The following TBC1D9B variants were observed in gnomAD, a reference collection of about 807,000 sequenced individuals.
The protein encoded by TBC1D9B is TBC1 domain family, member 9B (with GRAM domain).
In TBC1D9B, 87 loss-of-function variants were observed where a neutral mutation model predicts 121.1. That is an observed-to-expected ratio of 0.72 (90% CI 0.60 to 0.86). TBC1D9B has a LOEUF of 0.86. Among genes scored for constraint, TBC1D9B ranks in the 40% least tolerant of loss-of-function variants. The pLI, the probability that TBC1D9B is intolerant of heterozygous loss-of-function variation, is 0.00. For synonymous variants in TBC1D9B, 668 were observed against 670.1 expected (o/e 1.00, Z 0.05); for missense variants, 1,540 against 1,628.6 (o/e 0.95, Z 0.94).
chr5:179,888,784 G>A (rs1760770866), intron 6 of TBC1D9B, among the ~76,000 whole-genome samples: 1 of 152,210 alleles, frequency 6.6e-6, no homozygotes, highest in African/African-American at 2.4e-5. Context: ...AGGCCTGGCA[G>A]GGAGACGGAC....
rs1011004675 is a variant in TBC1D9B at position 179,882,745 on chromosome 5, G to A, written c.1255-2956C>T. 4.6e-5 allele frequency among the ~76,000 whole-genome samples: 7 copies of A among 152,132 alleles called. 1 individual carries two copies. The highest frequency in any genetic ancestry group is 6.8e-3 in the Middle Eastern group (2 of 294). ...CATACACGTAGTCCCAGCTACTCAC[G>A]GGCCTGAGGCACAAGACTGCTTGAA... On this transcript the variant is annotated intron_variant, in intron 7 of 20. Transcript: ENST00000355235.
At chr5:179,878,274 A>G (rs1286140377) in intron 10 of TBC1D9B, 35 bp downstream of exon 10, 13 of 1,584,058 alleles carry the variant, frequency 8.2e-6, no homozygotes, top group Non-Finnish European at 1.0e-5. Flanking sequence ...CTCTGGTGGC[A>G]GATGCTGTCT....
At position 179,864,075 on chromosome 5, in the gene TBC1D9B, G is replaced by A. The variant is rs1759934211; in HGVS notation, c.3075C>T (p.Pro1025=). 2 of 1,613,478 alleles carry A rather than the reference G, an allele frequency of 1.2e-6. No individual in the cohort carries two copies. The highest frequency in any genetic ancestry group is 1.7e-5 in the Admixed American group (1 of 59,996). The change falls in exon 21 of 21, where the codon CCC becomes CCT. Residue 1025 remains proline, a synonymous_variant. Coordinates refer to ENST00000355235, the MANE Select transcript of TBC1D9B (RefSeq NM_015043.4). ...TGGCGTGGTACAGGTCCTGCTCCAT[G>A]GGGTCTTCACTGAACATGTTGTAAA... ...KTLYNMFSED[P]MEQDLYHAIA... is the part of the protein sequence containing the mutation.
chr5:179,871,399 T>C (rs1760194711), intron 15 of TBC1D9B, 63 bp downstream of exon 15: 6 of 1,530,648 alleles, frequency 3.9e-6, no homozygotes, highest in South Asian at 3.4e-5. Flanking sequence ...CTTAGATCCA[T>C]TTCTTTTCTG....
chr5:179,878,572 G>A, intron 9 of TBC1D9B, 49 bp from the exon 10 acceptor site: 1 of 1,537,880 alleles, frequency 6.5e-7, no homozygotes, highest in Non-Finnish European at 8.8e-7. Flanking sequence ...CTGGTACTTT[G>A]GGGGCAGTAA....
intron 7 of TBC1D9B, among the ~76,000 whole-genome samples, chr5:179,887,177 G>C (rs1246012968): frequency 6.6e-6 from 1 of 152,240 alleles, no homozygotes; most frequent in Non-Finnish European, 1.5e-5. Flanking sequence ...TCAGCTCCCA[G>C]ACGAAAGGAG....
chr5:179,875,151 G>A lies in TBC1D9B; in HGVS notation c.1937C>T (p.Thr646Met), dbSNP rs911263386. 1.9e-6 allele frequency: 3 copies of A among 1,613,640 alleles called. No individual in the cohort carries two copies. The highest frequency in any genetic ancestry group is 2.7e-5 in the African/African-American group (2 of 74,934). The change falls in exon 12 of 21, where the codon ACG becomes ATG. Residue 646 changes from threonine (T) to methionine (M), a missense_variant. Thr to Met is a moderately conservative substitution (Grantham distance 81, BLOSUM62 -1). Transcript: ENST00000355235. The surrounding 1 kb of genome is among the most constrained non-coding windows in gnomAD (Gnocchi z 4.5). ...LVDQGIFEELTRDFLPQLSEK... is the reference protein window; with the variant it reads ...LVDQGIFEELMRDFLPQLSEK... ...CGAGAGCTGCGGCAGGAAGTCTCTC[G>A]TGAGCTCTTCGAAGATGCCTTGGTC...
rs1228697827 is a variant in TBC1D9B at position 179,862,886 on chromosome 5, C to T, written c.*562G>A. 2 of 314,866 alleles carry T rather than the reference C, an allele frequency of 6.4e-6. No homozygotes were observed. Among genetic ancestry groups the T allele is most frequent in the Admixed American group, 3.9e-5 (1 of 25,912 alleles). 19.5% of individuals were successfully genotyped at this position (314,866 alleles called of 1,614,324 possible). ...GATGAGCTGAGAGCACGTGTACAGCCACGCCTGTGCGCAGCGCCCACTCTG... is the reference window on the plus strand; with the variant it reads ...GATGAGCTGAGAGCACGTGTACAGCTACGCCTGTGCGCAGCGCCCACTCTG... On this transcript the variant is annotated 3_prime_UTR_variant, in exon 21 of 21. Transcript: ENST00000355235.
chr5:179,904,898 G>A lies in TBC1D9B; in HGVS notation c.119-86C>T. ...GCTGAGTCTGGCCGGAGGCAGACAGGATGGTGACGCTACCCAAAGGGTCCA... is the reference window on the plus strand; with the variant it reads ...GCTGAGTCTGGCCGGAGGCAGACAGAATGGTGACGCTACCCAAAGGGTCCA... On this transcript the variant is annotated intron_variant, in intron 1 of 20. Coordinates refer to ENST00000355235, the MANE Select transcript of TBC1D9B (RefSeq NM_015043.4). The surrounding 1 kb of genome is among the most constrained non-coding windows in gnomAD (Gnocchi z 4.2). 1.9e-6 allele frequency: 2 copies of A among 1,065,088 alleles called. No individual in the cohort carries two copies. The highest frequency in any genetic ancestry group is 2.7e-6 in the Non-Finnish European group (2 of 742,274). The allele number at this position is 1,065,088 out of a possible 1,614,324, so 66.0% of individuals were successfully genotyped here.
chr5:179,907,845 G>T lies in TBC1D9B; in HGVS notation c.-24C>A. On this transcript the variant is annotated 5_prime_UTR_variant, in exon 1 of 21. Transcript: ENST00000355235. This position sits in a 1 kb window ranked among gnomAD's most constrained non-coding sequence, Gnocchi z 5.3. Reference sequence around the variant, plus strand: ...ATCGCGGAGCCGCTCGCACCGGGCCGAGGCCCGCGAGACGGAAGCGCCCGC... The same window carrying T: ...ATCGCGGAGCCGCTCGCACCGGGCCTAGGCCCGCGAGACGGAAGCGCCCGC... 1 of 1,070,900 alleles carries T rather than the reference G, an allele frequency of 9.3e-7. No individual in the cohort carries two copies. The highest frequency in any genetic ancestry group is 1.1e-6 in the Non-Finnish European group (1 of 877,020). The allele number at this position is 1,070,900 out of a possible 1,614,324, so 66.3% of individuals were successfully genotyped here.
At position 179,863,625 on chromosome 5, in the gene TBC1D9B, G is replaced by A. The variant is rs777244876; in HGVS notation, c.3525C>T (p.Val1175=). 1.6e-5 allele frequency: 26 copies of A among 1,613,682 alleles called. No homozygotes were observed. The highest frequency in any genetic ancestry group is 1.6e-4 in the Middle Eastern group (1 of 6,084). Residue 1175 remains valine (V), a synonymous_variant, in exon 21 of 21, where the codon GTC becomes GTT. Transcript: ENST00000355235. This position sits in a 1 kb window ranked among gnomAD's most constrained non-coding sequence, Gnocchi z 4.5. ...CSPTARIGGT[V]DTDWCISFEQ... is the part of the protein sequence containing the mutation. The stretch of plus-strand genomic sequence containing the variant: ...CAAAGGAGATGCACCAGTCGGTGTC[G>A]ACGGTGCCGCCGATGCGCGCTGTGG...
rs1760877996 is a variant in TBC1D9B, at chr5:179,891,877, T to C, written c.837-291A>G. Among the ~76,000 whole-genome samples the C allele has an allele frequency of 6.6e-6, 1 of 152,160 alleles. No individual in the cohort carries two copies. The highest frequency in any genetic ancestry group is 6.5e-5 in the Admixed American group (1 of 15,280). On this transcript the variant is annotated intron_variant, in intron 5 of 20. Coordinates refer to ENST00000355235, the MANE Select transcript of TBC1D9B (RefSeq NM_015043.4). The surrounding 1 kb of genome is among the most constrained non-coding windows in gnomAD (Gnocchi z 4.3). Reference sequence around the variant, plus strand: ...CACCTAGATGCTGGCCTGGGCAATGTGCAACCCATCCCTCGGTACTGATGG... The same window carrying C: ...CACCTAGATGCTGGCCTGGGCAATGCGCAACCCATCCCTCGGTACTGATGG...
intron 17 of TBC1D9B, 41 bp from the exon 18 acceptor site, chr5:179,867,890 AAGG>A (rs778662050): frequency 1.3e-5 from 19 of 1,497,084 alleles, no homozygotes; most frequent in Non-Finnish European, 1.6e-5. Context: ...AGGAGGAAAC[AAGG>A]AGATCCTCTC....
At position 179,893,478 on chromosome 5, in the gene TBC1D9B, A is replaced by G. The variant is rs756982846; in HGVS notation, c.578-11T>C. 1 of 1,582,642 alleles carries G rather than the reference A, an allele frequency of 6.3e-7. No individual in the cohort carries two copies. The highest frequency in any genetic ancestry group is 8.6e-7 in the Non-Finnish European group (1 of 1,160,870). ...GCACCACGAGGCTCACTGTGCCCAC[A>G]GAGATAGACACACCGCAAGTTAGGG... On this transcript the variant is annotated splice_polypyrimidine_tract_variant and intron_variant, in intron 4 of 20. Coordinates refer to ENST00000355235, the MANE Select transcript of TBC1D9B (RefSeq NM_015043.4).
Position 179,863,482 on chromosome 5 carries a change from G to A in TBC1D9B, c.3668C>T (p.Ala1223Val). 1 of 1,614,186 alleles carries A rather than the reference G, an allele frequency of 6.2e-7. No individual in the cohort carries two copies. The highest frequency in any genetic ancestry group is 8.5e-7 in the Non-Finnish European group (1 of 1,180,012). The change falls in exon 21 of 21, where the codon GCC (alanine) becomes GTC (valine). Residue 1223 changes from alanine to valine, a missense_variant. By Grantham distance (64) the Ala-to-Val change is moderately conservative (BLOSUM62 0). Coordinates refer to ENST00000355235, the MANE Select transcript of TBC1D9B (RefSeq NM_015043.4). The surrounding 1 kb of genome is among the most constrained non-coding windows in gnomAD (Gnocchi z 4.5). ...QKKVERQFSTASDHEQPGVSG is the reference protein window; with the variant it reads ...QKKVERQFSTVSDHEQPGVSG ...AACTCCAGGCTGCTCATGGTCACTG[G>A]CGGTGCTGAACTGTCTCTCCACTTT...
intron 10 of TBC1D9B, among the ~76,000 whole-genome samples, chr5:179,877,354 T>C (rs897041231): frequency 6.7e-6 from 1 of 149,716 alleles, no homozygotes; most frequent in Non-Finnish European, 1.5e-5. Flanking sequence ...TAATAATAAT[T>C]TAAAATAAAT....
rs767735955 is a variant in TBC1D9B, at chr5:179,893,457, C to T, written c.588G>A (p.Val196=). The T allele has an allele frequency of 2.5e-6, 4 of 1,601,464 alleles. No homozygotes were observed. The African/African-American group carries it at 5.4e-5, about 21-fold the overall frequency. ...GACGCGTTATGTCCACCCACTGCAC[C>T]ACGAGGCTCACTGTGCCCACAGAGA... ...SFLLGKEVSL[V]VQWVDITRLE... The change falls in exon 5 of 21, where the codon GTG becomes GTA. Residue 196 remains valine, a synonymous_variant. Transcript: ENST00000355235.
In TBC1D9B at chr5:179,878,293, C is replaced by T; in HGVS notation, c.1782+16G>A. ...GGTGGCAGATGCTGTCTCTGGGCCCCTGTCAGGCCCCTTACCTGGCAGTAG... is the reference window on the plus strand; with the variant it reads ...GGTGGCAGATGCTGTCTCTGGGCCCTTGTCAGGCCCCTTACCTGGCAGTAG... On this transcript the variant is annotated intron_variant, in intron 10 of 20. Coordinates refer to ENST00000355235, the MANE Select transcript of TBC1D9B (RefSeq NM_015043.4). 4 of 1,603,600 alleles carry T rather than the reference C, an allele frequency of 2.5e-6. No homozygotes were observed. Among genetic ancestry groups the T allele is most frequent in the Non-Finnish European group, 3.4e-6 (4 of 1,175,850 alleles).
chr5:179,880,281 G>A (rs972732411), intron 7 of TBC1D9B, among the ~76,000 whole-genome samples: 2 of 152,226 alleles, frequency 1.3e-5, no homozygotes, highest in African/African-American at 2.4e-5. Context: ...GGAGTGTTGG[G>A]ATAACCCAGG....
Sources: allele counts gnomAD v4.1 joint callset (sites outside exome capture counted in the v4.1 genomes callset), GRCh38; gene constraint gnomAD v4.1.1; non-coding constraint Gnocchi (gnomAD v3.1); transcripts MANE v1.5; gene names NCBI Gene and HGNC (gene_info 2026-07-23, HGNC 2026-07-21).